Variants in MYH8 observed in about 807,000 individuals in gnomAD.
MYH8 encodes myosin-8.
MYH8 carries 168 observed loss-of-function variants against 233.2 expected under a neutral mutation model. The observed-to-expected ratio is 0.72, with a 90% CI of 0.64 to 0.82. The LOEUF (loss-of-function observed/expected upper bound fraction) is 0.82, where lower values mean the gene tolerates loss of function less well. MYH8 is among the 40% of genes least tolerant of loss of function. The probability of loss-of-function intolerance (pLI) is 0.00; values close to 1 mark genes in which losing one functional copy is unlikely to be tolerated. For missense variants in MYH8, 1,995 were observed against 2,327.8 expected (o/e 0.86, Z 2.94); for synonymous variants, 785 against 850.6 (o/e 0.92, Z 1.34).
Position 10,404,401 on chromosome 17 carries a change from GT to G in MYH8, c.2616del (p.Lys872AsnfsTer5), listed in dbSNP as rs1567685278. On this transcript the variant is annotated frameshift_variant, in exon 22 of 40. Transcript: ENST00000403437. LOFTEE classifies it high-confidence loss of function. ...ACCATTTTTTCCTCTAGCTCCTTCC[GT>G]TTTGCCTCTGACTTGGCGAGTTCAT... ...TKDELAKSEA[K>X]RKELEEKMVT... The G allele has an allele frequency of 3.1e-6, 5 of 1,613,426 alleles. No individual in the cohort carries two copies. The highest frequency in any genetic ancestry group is 4.2e-6 in the Non-Finnish European group (5 of 1,179,812).
At chr17:10,395,072 G>T in intron 34 of MYH8, 61 bp downstream of exon 34, 2 of 1,587,002 alleles carry the variant, frequency 1.3e-6, no homozygotes, top group South Asian at 1.1e-5. Flanking sequence ...CAAGGTGTTT[G>T]GGAAATGGAA....
chr17:10,413,731 G>A (rs1385185076), intron 12 of MYH8, among the ~76,000 whole-genome samples, 171 bp downstream of exon 12: 1 of 152,212 alleles, frequency 6.6e-6, no homozygotes, highest in African/African-American at 2.4e-5. Context: ...AAATGATGGA[G>A]ACATGGAGAT....
chr17:10,407,405 A>G (rs1222401135), intron 17 of MYH8, among the ~76,000 whole-genome samples: 1 of 152,176 alleles, frequency 6.6e-6, no homozygotes. Flanking sequence ...CATCTCTCTC[A>G]GTGCTAATAA....
intron 21 of MYH8, 93 bp from the exon 22 acceptor site, chr17:10,404,678 C>A: frequency 6.9e-7 from 1 of 1,439,254 alleles, no homozygotes; most frequent in Non-Finnish European, 9.6e-7. Context: ...TAATGAATGC[C>A]GCTCACAAAT....
At position 10,392,796 on chromosome 17, in the gene MYH8, T is replaced by C. The variant is rs200966714; in HGVS notation, c.5463+35A>G. 8.1e-6 allele frequency: 13 copies of C among 1,614,106 alleles called. No homozygotes were observed. In the African/African-American group the frequency reaches 1.6e-4, roughly 20 times the overall value. The stretch of plus-strand genomic sequence containing the variant: ...AGAAGGGTAGAGAGAGTGCCCTTTT[T>C]CCCTTCCCAGATTTAGAGAGATTGA... On this transcript the variant is annotated intron_variant, in intron 37 of 39. Coordinates refer to ENST00000403437, the MANE Select transcript of MYH8 (RefSeq NM_002472.3).
chr17:10,412,736 G>C lies in MYH8; in HGVS notation c.1148-8C>G. On this transcript the variant is annotated splice_region_variant and splice_polypyrimidine_tract_variant and intron_variant, in intron 12 of 39. Coordinates refer to ENST00000403437, the MANE Select transcript of MYH8 (RefSeq NM_002472.3). ...AGGCTGCCTTGTCAGCGACTGCAGA[G>C]ACACAGTTCAGGACATGTTGTTTCA... 1 of 1,601,232 alleles carries C rather than the reference G, an allele frequency of 6.2e-7. No individual in the cohort carries two copies. The highest frequency in any genetic ancestry group is 8.6e-7 in the Non-Finnish European group (1 of 1,168,312).
chr17:10,401,409 T>C lies in MYH8; in HGVS notation c.2974A>G (p.Ile992Val), dbSNP rs2072140985. The change falls in exon 24 of 40, where the codon ATT becomes GTT. Residue 992 changes from isoleucine to valine, a missense_variant. Coordinates refer to ENST00000403437, the MANE Select transcript of MYH8 (RefSeq NM_002472.3). ...TTCTTCTCCTTGGACAGTTTTGCAA[T>C]GGTTTCATCCAGGCCTGCCATCTCT... Reference protein sequence around the residue: ...TEEMAGLDETIAKLSKEKKAL... With the variant: ...TEEMAGLDETVAKLSKEKKAL... 3.1e-6 allele frequency: 5 copies of C among 1,614,006 alleles called. No homozygotes were observed. Among genetic ancestry groups the C allele is most frequent in the Non-Finnish European group, 2.5e-6 (3 of 1,180,008 alleles).
intron 38 of MYH8, 58 bp from the exon 39 acceptor site, chr17:10,392,035 T>C: frequency 1.4e-6 from 2 of 1,429,714 alleles, no homozygotes; most frequent in South Asian, 1.1e-5. Flanking sequence ...CTACTCTGGG[T>C]ACTAAAATAA....
At chr17:10,406,209 A>T (rs1355551592) in intron 20 of MYH8, 32 bp from the exon 21 acceptor site, 1 of 1,614,102 alleles carries the variant, frequency 6.2e-7, no homozygotes, top group Non-Finnish European at 8.5e-7. Flanking sequence ...AATCATCTCC[A>T]TACTGCAGGA....
At chr17:10,399,060 T>C (rs2142173174) in intron 28 of MYH8, among the ~76,000 whole-genome samples, 174 bp from the exon 29 acceptor site, 1 of 150,238 alleles carries the variant, frequency 6.7e-6, no homozygotes, top group East Asian at 2.0e-4. Flanking sequence ...GGACCAGAAG[T>C]GTTTCAGATT....
At chr17:10,392,391 A>G in intron 38 of MYH8, 151 bp downstream of exon 38, 1 of 758,202 alleles carries the variant, frequency 1.3e-6, no homozygotes, top group Non-Finnish European at 2.3e-6. Context: ...AAGTTTTAGT[A>G]TAGGTCTGTG....
chr17:10,418,853 G>T, intron 4 of MYH8, 34 bp downstream of exon 4: 2 of 1,613,950 alleles, frequency 1.2e-6, no homozygotes, highest in Non-Finnish European at 1.7e-6. Flanking sequence ...CTCAGAGAGA[G>T]ACATGAAATA....
intron 12 of MYH8, among the ~76,000 whole-genome samples, chr17:10,413,635 G>C (rs2072263773): frequency 6.6e-6 from 1 of 152,092 alleles, no homozygotes; most frequent in Admixed American, 6.6e-5. Flanking sequence ...GGCCAACCAG[G>C]AGCACTATTA....
chr17:10,400,636 C>T lies in MYH8; in HGVS notation c.3489G>A (p.Gln1163=). The T allele has an allele frequency of 6.2e-7, 1 of 1,614,230 alleles. No homozygotes were observed. The highest frequency in any genetic ancestry group is 8.5e-7 in the Non-Finnish European group (1 of 1,180,044). Residue 1163 remains glutamine, a synonymous_variant, in exon 27 of 40, where the codon CAG becomes CAA. Coordinates refer to ENST00000403437, the MANE Select transcript of MYH8 (RefSeq NM_002472.3). The surrounding 1 kb of genome is among the most constrained non-coding windows in gnomAD (Gnocchi z 4.0). ...CCTCCCGCTTCTTGTTCAATTCCAC[C>T]TGAGCAGAAGTTGCCCCACCGGCTT... ...LEEAGGATSA[Q]VELNKKREAE... is the part of the protein sequence containing the mutation.
At chr17:10,391,315 T>A (rs992459989) in intron 39 of MYH8, among the ~76,000 whole-genome samples, 6 of 152,222 alleles carry the variant, frequency 3.9e-5, no homozygotes, top group Admixed American at 2.6e-4. Context: ...CTACTGTATA[T>A]CATTTGTAGC....
Position 10,410,960 on chromosome 17 carries a change from A to G in MYH8, c.1417-13T>C. On this transcript the variant is annotated splice_polypyrimidine_tract_variant and intron_variant, in intron 14 of 39. Coordinates refer to ENST00000403437, the MANE Select transcript of MYH8 (RefSeq NM_002472.3). ...CCAGGCTGTTAAACTACACAAAATAATAGAGATTTCCAACATCAAATGAGT... is the reference window on the plus strand; with the variant it reads ...CCAGGCTGTTAAACTACACAAAATAGTAGAGATTTCCAACATCAAATGAGT... 6.2e-7 allele frequency: 1 copy of G among 1,614,134 alleles called. No individual in the cohort carries two copies. The highest frequency in any genetic ancestry group is 8.5e-7 in the Non-Finnish European group (1 of 1,179,976).
intron 38 of MYH8, 89 bp from the exon 39 acceptor site, chr17:10,392,066 G>A: frequency 9.5e-7 from 1 of 1,050,838 alleles, no homozygotes; most frequent in African/African-American, 1.6e-5. Flanking sequence ...CATGATGGCA[G>A]GTGGGCCTGG....
chr17:10,403,926 G>T (rs2072163954), intron 22 of MYH8, among the ~76,000 whole-genome samples: 1 of 152,158 alleles, frequency 6.6e-6, no homozygotes, highest in Admixed American at 6.5e-5. Context: ...AATCTTGGGG[G>T]TTGGGGAAAG....
At chr17:10,398,975 T>C in intron 28 of MYH8, 89 bp from the exon 29 acceptor site, 1 of 633,780 alleles carries the variant, frequency 1.6e-6, no homozygotes, top group Non-Finnish European at 2.7e-6. Context: ...TGTATATATA[T>C]ATGTATATAT....
Sources: allele counts gnomAD v4.1 joint callset (sites outside exome capture counted in the v4.1 genomes callset), GRCh38; gene constraint gnomAD v4.1.1; non-coding constraint Gnocchi (gnomAD v3.1); transcripts MANE v1.5; gene names NCBI Gene and HGNC (gene_info 2026-07-23, HGNC 2026-07-21).